The following ADGRB3 variants were observed in gnomAD, a reference collection of about 807,000 sequenced individuals.
ADGRB3 encodes the protein adhesion G protein-coupled receptor B3, also known as brain-specific angiogenesis inhibitor 3.
In ADGRB3, 37 loss-of-function variants were observed where a neutral mutation model predicts 193.4. That is an observed-to-expected ratio of 0.19 (90% CI 0.15 to 0.25). The LOEUF is 0.25. Ranked by LOEUF, ADGRB3 falls within the 10% of genes least tolerant of loss-of-function variation. The pLI, the probability that ADGRB3 is intolerant of heterozygous loss-of-function variation, is 1.00. For missense variants in ADGRB3, 1,637 were observed against 1,852.9 expected (o/e 0.88, Z 2.14); for synonymous variants, 690 against 644.2 (o/e 1.07, Z -1.08).
At chr6:68,971,853 C>T (rs1486678921) in intron 8 of ADGRB3, among the ~76,000 whole-genome samples, 1 of 152,248 alleles carries the variant, frequency 6.6e-6, no homozygotes, top group Non-Finnish European at 1.5e-5. Context: ...AGTTTCATAG[C>T]AGTACCTTCC....
chr6:68,900,407 AG>A (rs1025630370), intron 3 of ADGRB3, among the ~76,000 whole-genome samples: 7 of 152,184 alleles, frequency 4.6e-5, no homozygotes, highest in African/African-American at 1.7e-4. Flanking sequence ...GGAACATGAC[AG>A]GGAAAGTAGC....
chr6:69,074,536 A>C (rs906743678), intron 16 of ADGRB3, among the ~76,000 whole-genome samples: 1 of 135,062 alleles, frequency 7.4e-6, no homozygotes, highest in African/African-American at 2.8e-5. Context: ...TCAGGACTGT[A>C]CTTTTTTTTT....
At chr6:68,802,996 A>T (rs1253374215) in intron 3 of ADGRB3, among the ~76,000 whole-genome samples, 6 of 151,998 alleles carry the variant, frequency 3.9e-5, no homozygotes, top group Non-Finnish European at 7.4e-5. Flanking sequence ...CCTGTCCCTC[A>T]TTATCTTTTC....
intron 3 of ADGRB3, among the ~76,000 whole-genome samples, chr6:68,897,701 AAAG>A (rs1353423779): frequency 9.4e-6 from 1 of 106,768 alleles, no homozygotes; most frequent in East Asian, 2.9e-4. Flanking sequence ...CAGAAAGAAG[AAAG>A]AAGGAAGGGA....
intron 13 of ADGRB3, among the ~76,000 whole-genome samples, chr6:69,033,611 T>G (rs1281200450): frequency 6.6e-6 from 1 of 152,162 alleles, no homozygotes; most frequent in African/African-American, 2.4e-5. Context: ...TAGCATATTT[T>G]TTTAATTTGG....
chr6:69,155,233 C>T (rs918023638), intron 17 of ADGRB3, among the ~76,000 whole-genome samples: 2 of 152,060 alleles, frequency 1.3e-5, no homozygotes, highest in East Asian at 1.9e-4. Flanking sequence ...TATTTCATGC[C>T]GTGACAATGT....
chr6:68,985,772 C>T (rs1043732248), intron 10 of ADGRB3, among the ~76,000 whole-genome samples: 12 of 152,046 alleles, frequency 7.9e-5, no homozygotes, highest in Admixed American at 7.2e-4. Context: ...CATAATCTAT[C>T]CTATTCTGAC....
chr6:68,866,710 A>T (rs1421591508), intron 3 of ADGRB3, among the ~76,000 whole-genome samples: 3 of 152,300 alleles, frequency 2.0e-5, no homozygotes, highest in Non-Finnish European at 4.4e-5. Flanking sequence ...AGACTGAGAT[A>T]GTCTCAGATG....
At chr6:69,019,047 G>A (rs1770182721) in intron 13 of ADGRB3, among the ~76,000 whole-genome samples, 2 of 151,990 alleles carry the variant, frequency 1.3e-5, no homozygotes, top group East Asian at 1.9e-4. Context: ...CCAGTACACA[G>A]TGGATCTCTC....
intron 13 of ADGRB3, among the ~76,000 whole-genome samples, chr6:69,031,577 T>TCTCTTTCTTTCTTTTCTTC: frequency 7.6e-6 from 1 of 132,380 alleles, no homozygotes; most frequent in African/African-American, 2.8e-5. Flanking sequence ...TCTTCCTCTG[T>TCTCTTTCTTTCTTTTCTTC]CTCTGTCTCT....
intron 20 of ADGRB3, among the ~76,000 whole-genome samples, chr6:69,275,912 A>T (rs1423005810): frequency 6.6e-6 from 1 of 152,104 alleles, no homozygotes; most frequent in Non-Finnish European, 1.5e-5. Flanking sequence ...TTGTTTTTTT[A>T]AAAAAGCCAT....
chr6:69,382,178 A>G (rs1769963496), intron 30 of ADGRB3, among the ~76,000 whole-genome samples: 1 of 151,918 alleles, frequency 6.6e-6, no homozygotes, highest in Admixed American at 6.6e-5. Flanking sequence ...GATCAGCTAC[A>G]CAATTTATGC....
chr6:69,229,596 G>A (rs1438427505), intron 17 of ADGRB3, among the ~76,000 whole-genome samples: 2 of 152,128 alleles, frequency 1.3e-5, no homozygotes, highest in Admixed American at 6.5e-5. Context: ...TTTTATAGAA[G>A]ACTGAAGTAG....
In ADGRB3 at chr6:68,673,024, A is replaced by ATCTC. The variant is rs140274796; in HGVS notation, c.757+33609_757+33612dup. Among the ~76,000 whole-genome samples, 473 of 147,742 alleles carry ATCTC rather than the reference A, an allele frequency of 3.2e-3. 3 individuals carry two copies. The highest frequency in any genetic ancestry group is 0.01 in the African/African-American group (424 of 40,392). ...TGTGAGCCAAAATTCCTTAAACTGAATCTCTCTCTCTCTCTCTCTCAGTAG... is the reference window on the plus strand; with the variant it reads ...TGTGAGCCAAAATTCCTTAAACTGAATCTCTCTCTCTCTCTCTCTCTCTCAGTAG... On this transcript the variant is annotated intron_variant, in intron 3 of 31. Transcript: ENST00000370598.
chr6:68,867,378 T>C (rs1450528941), intron 3 of ADGRB3, among the ~76,000 whole-genome samples: 2 of 151,792 alleles, frequency 1.3e-5, no homozygotes, highest in Non-Finnish European at 2.9e-5. Context: ...AAGGCAAGAG[T>C]TTAGGAAACT....
intron 20 of ADGRB3, 142 bp downstream of exon 20, chr6:69,239,368 T>C (rs1766337868): frequency 1.7e-6 from 1 of 594,864 alleles, no homozygotes; most frequent in Non-Finnish European, 2.9e-6. Context: ...TATTGGTTTA[T>C]GAATAAAAAC....
At chr6:69,214,321 G>C (rs558228290) in intron 17 of ADGRB3, among the ~76,000 whole-genome samples, 5 of 152,094 alleles carry the variant, frequency 3.3e-5, no homozygotes, top group African/African-American at 9.7e-5. Flanking sequence ...TGAGGTACCT[G>C]ATATGGCTTT....
chr6:69,127,620 A>G (rs1773887870), intron 17 of ADGRB3, among the ~76,000 whole-genome samples: 1 of 152,198 alleles, frequency 6.6e-6, no homozygotes, highest in South Asian at 2.1e-4. Context: ...TTGATGTACA[A>G]AACATAGCTG....
Position 68,639,300 on chromosome 6 carries a change from G to C in ADGRB3, c.625G>C (p.Asp209His). 1.2e-6 allele frequency: 2 copies of C among 1,613,980 alleles called. No homozygotes were observed. The highest frequency in any genetic ancestry group is 1.7e-6 in the Non-Finnish European group (2 of 1,180,032). ...PQHLGEWGID[D>H]QSLILLNNVV... ...GCATTTGGGAGAGTGGGGGATCGAC[G>C]ACCAGTCGCTGATTTTGTTAAATAA... is the stretch of plus-strand genomic sequence containing the variant. Residue 209 changes from aspartate to histidine, a missense_variant, in exon 3 of 32, where the codon GAC (aspartate) becomes CAC (histidine). By Grantham distance (81) the Asp-to-His change is moderately conservative (BLOSUM62 -1). Coordinates refer to ENST00000370598, the MANE Select transcript of ADGRB3 (RefSeq NM_001704.3).
Sources: allele counts gnomAD v4.1 joint callset (sites outside exome capture counted in the v4.1 genomes callset), GRCh38; gene constraint gnomAD v4.1.1; transcripts MANE v1.5; gene names NCBI Gene and HGNC (gene_info 2026-07-23, HGNC 2026-07-21).